Variants in SLC10A7 observed in about 807,000 individuals in gnomAD.
SLC10A7 encodes solute carrier family 10 member 7, also known as sodium/bile acid cotransporter 7.
SLC10A7 carries 29 observed loss-of-function variants against 43.2 expected under a neutral mutation model. The observed-to-expected ratio is 0.67, with a 90% CI of 0.50 to 0.92. The LOEUF (loss-of-function observed/expected upper bound fraction) is 0.92, where lower values mean the gene tolerates loss of function less well. Among genes scored for constraint, SLC10A7 ranks in the 40% least tolerant of loss-of-function variants. SLC10A7 has a pLI of 0.00. For missense variants in SLC10A7, 295 were observed against 403.2 expected (o/e 0.73, Z 2.30); for synonymous variants, 152 against 144.8 (o/e 1.05, Z -0.35).
chr4:146,506,146 T>C (rs1736874602), intron 3 of SLC10A7, among the ~76,000 whole-genome samples: 1 of 152,098 alleles, frequency 6.6e-6, no homozygotes, highest in Admixed American at 6.6e-5. Context: ...AAAAGCAGAA[T>C]TCTCATAGTT....
At chr4:146,367,659 G>T (rs1579006612) in intron 5 of SLC10A7, among the ~76,000 whole-genome samples, 2 of 152,008 alleles carry the variant, frequency 1.3e-5, no homozygotes, top group African/African-American at 4.8e-5. Flanking sequence ...AATATAAATT[G>T]TGAGATCTCC....
chr4:146,287,543 T>C (rs1364489508), intron 9 of SLC10A7, among the ~76,000 whole-genome samples: 1 of 152,152 alleles, frequency 6.6e-6, no homozygotes, highest in Non-Finnish European at 1.5e-5. Context: ...GAGCCAACTT[T>C]GAGTTAATTC....
chr4:146,445,834 C>A (rs1321491688), intron 4 of SLC10A7, among the ~76,000 whole-genome samples: 1 of 151,980 alleles, frequency 6.6e-6, no homozygotes, highest in Non-Finnish European at 1.5e-5. Flanking sequence ...TAGTCTCTGA[C>A]GTCCAGCCTC....
chr4:146,379,662 C>A lies in SLC10A7; in HGVS notation c.436-53666G>T, dbSNP rs1737460716. Among the ~76,000 whole-genome samples the A allele has an allele frequency of 2.0e-5, 3 of 152,262 alleles. No homozygotes were observed. In the South Asian group the frequency reaches 6.2e-4, roughly 32 times the overall value. ...GTCCACTTGGAAGAAAAACTTAAATCATCAATGTCAATATTAGCAATTAAT... is the reference window on the plus strand; with the variant it reads ...GTCCACTTGGAAGAAAAACTTAAATAATCAATGTCAATATTAGCAATTAAT... On this transcript the variant is annotated intron_variant, in intron 5 of 11. Transcript: ENST00000335472.
At chr4:146,511,171 C>G (rs1737430491) in intron 2 of SLC10A7, among the ~76,000 whole-genome samples, 1 of 152,100 alleles carries the variant, frequency 6.6e-6, no homozygotes, top group Non-Finnish European at 1.5e-5. Context: ...AAAAAAAATG[C>G]ACATTAAACA....
At chr4:146,287,234 T>C (rs1560765112) in intron 9 of SLC10A7, among the ~76,000 whole-genome samples, 1 of 151,170 alleles carries the variant, frequency 6.6e-6, no homozygotes, top group Non-Finnish European at 1.5e-5. Flanking sequence ...GTCTTTGGAG[T>C]GGTAAGGACT....
At chr4:146,343,113 A>G (rs899932981) in intron 5 of SLC10A7, among the ~76,000 whole-genome samples, 21 of 151,992 alleles carry the variant, frequency 1.4e-4, no homozygotes, top group African/African-American at 5.1e-4. Flanking sequence ...ATTTTTTCAT[A>G]TGACCAAGAA....
chr4:146,279,822 A>G (rs896270477), intron 10 of SLC10A7, among the ~76,000 whole-genome samples: 2 of 152,182 alleles, frequency 1.3e-5, no homozygotes, highest in African/African-American at 4.8e-5. Context: ...TTAAAGGTCA[A>G]ATAGTCACTT....
intron 5 of SLC10A7, among the ~76,000 whole-genome samples, chr4:146,440,059 C>T (rs1205658153): frequency 6.6e-6 from 1 of 152,092 alleles, no homozygotes. Context: ...GTATATTGCT[C>T]ATATGTAGAA....
At chr4:146,505,609 T>C (rs192717416) in intron 3 of SLC10A7, among the ~76,000 whole-genome samples, 2 of 152,224 alleles carry the variant, frequency 1.3e-5, no homozygotes, top group South Asian at 2.1e-4. Context: ...AGCTCTGAAA[T>C]AGGAAAAAAA....
chr4:146,271,791 A>T (rs1200457159), intron 10 of SLC10A7, among the ~76,000 whole-genome samples: 1 of 152,004 alleles, frequency 6.6e-6, no homozygotes, highest in Non-Finnish European at 1.5e-5. Flanking sequence ...TTCCTCCAAC[A>T]TGCCAAGCGC....
chr4:146,387,710 T>G (rs1738114031), intron 5 of SLC10A7, among the ~76,000 whole-genome samples: 1 of 152,198 alleles, frequency 6.6e-6, no homozygotes, highest in Non-Finnish European at 1.5e-5. Flanking sequence ...ACCCCTAGCT[T>G]TGATAAATGA....
chr4:146,277,437 T>C (rs1302382194), intron 10 of SLC10A7, among the ~76,000 whole-genome samples: 1 of 152,158 alleles, frequency 6.6e-6, no homozygotes, highest in Admixed American at 6.5e-5. Flanking sequence ...ATTGTATCAC[T>C]TTGTTTGAGA....
intron 10 of SLC10A7, among the ~76,000 whole-genome samples, chr4:146,266,422 G>GACACAC (rs145477159): frequency 1.9e-4 from 28 of 149,282 alleles, no homozygotes; most frequent in Non-Finnish European, 7.4e-5. Flanking sequence ...CATGCACATG[G>GACACAC]ACACACACAC....
In SLC10A7 at chr4:146,509,926, A is replaced by G. The variant is rs778974402; in HGVS notation, c.307T>C (p.Trp103Arg). Residue 103 changes from tryptophan (W) to arginine (R), a missense_variant, in exon 3 of 12, where the codon TGG becomes CGG. Trp to Arg is a moderately radical substitution (Grantham distance 101). This residue lies in a region of SLC10A7 where 242 missense variants were observed against 362.5 expected (regional missense o/e 0.67). Coordinates refer to ENST00000335472, the MANE Select transcript of SLC10A7 (RefSeq NM_001029998.6). ...QLLSITPINEWLLKGLQTVGC... is the reference protein window; with the variant it reads ...QLLSITPINERLLKGLQTVGC... Reference sequence around the variant, plus strand: ...ATTTAAACATACCCTTTTAAAAGCCATTCGTTGATGGGTGTGATTGATAAA... The same window carrying G: ...ATTTAAACATACCCTTTTAAAAGCCGTTCGTTGATGGGTGTGATTGATAAA... 1.2e-6 allele frequency: 2 copies of G among 1,612,858 alleles called. No individual in the cohort carries two copies. Among genetic ancestry groups the G allele is most frequent in the African/African-American group, 1.3e-5 (1 of 74,852 alleles).
At chr4:146,310,860 ATTAG>A (rs998334880) in intron 6 of SLC10A7, among the ~76,000 whole-genome samples, 1 of 150,406 alleles carries the variant, frequency 6.6e-6, no homozygotes, top group African/African-American at 2.4e-5. Context: ...TCTACTACAC[ATTAG>A]TTATAGGTGG....
intron 6 of SLC10A7, among the ~76,000 whole-genome samples, chr4:146,316,678 G>C (rs1732345639): frequency 6.6e-6 from 1 of 152,014 alleles, no homozygotes; most frequent in Non-Finnish European, 1.5e-5. Flanking sequence ...ATACTTCAGG[G>C]AAAGTTTCAC....
At chr4:146,399,888 GA>G (rs907443360) in intron 5 of SLC10A7, among the ~76,000 whole-genome samples, 1 of 152,074 alleles carries the variant, frequency 6.6e-6, no homozygotes, top group Non-Finnish European at 1.5e-5. Flanking sequence ...CAGCATTTAA[GA>G]AAAAAATCAG....
chr4:146,430,215 GGAGA>G (rs144357057), intron 5 of SLC10A7, among the ~76,000 whole-genome samples: 2 of 151,876 alleles, frequency 1.3e-5, no homozygotes, highest in Non-Finnish European at 2.9e-5. Context: ...GGATGGGCGG[GGAGA>G]GAGAGAGACA....
Sources: gnomAD v4.1 joint callset for allele counts (sites outside exome capture counted in the v4.1 genomes callset) on GRCh38, gnomAD v4.1.1 for gene constraint, gnomAD v4.1.1 regional missense constraint, MANE v1.5 for transcripts, NCBI Gene and HGNC (gene_info 2026-07-23, HGNC 2026-07-21) for gene names.